Variants in MTPN observed in about 807,000 individuals in gnomAD.
MTPN encodes the protein myotrophin.
MTPN carries 2 observed loss-of-function variants against 13.5 expected under a neutral mutation model. The observed-to-expected ratio is 0.15, with a 90% CI of 0.06 to 0.47. The LOEUF (loss-of-function observed/expected upper bound fraction) is 0.47, where lower values mean the gene tolerates loss of function less well. Ranked by LOEUF, MTPN falls within the 20% of genes least tolerant of loss-of-function variation. MTPN has a pLI of 0.97. For synonymous variants in MTPN, 46 were observed against 51.7 expected (o/e 0.89, Z 0.48); for missense variants, 79 against 137.9 (o/e 0.57, Z 2.14).
intron 3 of MTPN, among the ~76,000 whole-genome samples, chr7:135,937,474 G>A (rs2116349666): frequency 6.6e-6 from 1 of 152,014 alleles, no homozygotes; most frequent in Admixed American, 6.5e-5. Context: ...CTGTGTGTGA[G>A]GGGGATTGGT....
chr7:135,943,760 A>T (rs534636025), intron 3 of MTPN, among the ~76,000 whole-genome samples: 1 of 152,342 alleles, frequency 6.6e-6, no homozygotes, highest in Non-Finnish European at 1.5e-5. Flanking sequence ...CTTCCTGAGG[A>T]GATAAATTCT....
intron 1 of MTPN, among the ~76,000 whole-genome samples, chr7:135,965,844 T>C (rs575005471): frequency 2.0e-5 from 3 of 152,090 alleles, no homozygotes; most frequent in Non-Finnish European, 4.4e-5. Context: ...ACATACAAAG[T>C]GGTATATGGT....
chr7:135,958,473 T>C (rs1000242953), intron 1 of MTPN, among the ~76,000 whole-genome samples: 1 of 152,188 alleles, frequency 6.6e-6, no homozygotes, highest in Non-Finnish European at 1.5e-5. Context: ...GCTCTGAATG[T>C]CATCTAATTC....
chr7:135,936,421 G>A (rs1212181335), intron 3 of MTPN, among the ~76,000 whole-genome samples: 2 of 152,220 alleles, frequency 1.3e-5, no homozygotes, highest in African/African-American at 4.8e-5. Flanking sequence ...GGAGGCGGAG[G>A]TTGCAGTGAG....
At chr7:135,972,423 G>A (rs1799711725) in intron 1 of MTPN, among the ~76,000 whole-genome samples, 1 of 152,170 alleles carries the variant, frequency 6.6e-6, no homozygotes, top group Admixed American at 6.6e-5. Context: ...AAAAACTTAG[G>A]TAAAACATCT....
intron 3 of MTPN, among the ~76,000 whole-genome samples, chr7:135,939,350 G>C (rs1799164436): frequency 6.6e-6 from 1 of 152,034 alleles, no homozygotes. Flanking sequence ...CAGTACTGTA[G>C]CTCACTCAGC....
At chr7:135,951,437 A>C (rs1181711203) in intron 2 of MTPN, 80 bp downstream of exon 2, 25 of 721,750 alleles carry the variant, frequency 3.5e-5, no homozygotes, top group Non-Finnish European at 4.9e-5. Context: ...ACAAATAGCT[A>C]TTTTATAATC....
intron 1 of MTPN, among the ~76,000 whole-genome samples, chr7:135,972,209 ACGCGCACACGCGCACGCGCGCG>A: frequency 1.2e-5 from 1 of 86,926 alleles, no homozygotes; most frequent in Admixed American, 9.9e-5. Flanking sequence ...ATAAATACAC[ACGCGCACACGCGCACGCGCGCG>A]CACACACACA....
rs1798931905 is a variant in MTPN, at chr7:135,927,132, TA to T, written c.*2793del. 2 of 564,476 alleles carry T rather than the reference TA, an allele frequency of 3.5e-6. No individual in the cohort carries two copies. The highest frequency in any genetic ancestry group is 7.8e-5 in the Admixed American group (2 of 25,732). The allele number at this position is 564,476 out of a possible 1,614,324, so 35.0% of individuals were successfully genotyped here. ...GAAGAAAACAGCAGCTCAACTGAAA[TA>T]TTAGAAAAAAAAATCAAACAGATAC... On this transcript the variant is annotated 3_prime_UTR_variant, in exon 4 of 4. Transcript: ENST00000393085.
At chr7:135,964,159 G>A (rs1039910617) in intron 1 of MTPN, among the ~76,000 whole-genome samples, 2 of 151,872 alleles carry the variant, frequency 1.3e-5, no homozygotes, top group Non-Finnish European at 2.9e-5. Flanking sequence ...GGGGAGGGAG[G>A]GAAGAGAGGA....
Position 135,977,244 on chromosome 7 carries a change from G to C in MTPN, c.-144C>G. ...AGAAGGAGGGTTAGGCTGCCAGGCG[G>C]GCGAGGCAGTTGGCCGCGGCGACCG... On this transcript the variant is annotated 5_prime_UTR_variant, in exon 1 of 4. Transcript: ENST00000393085. The C allele has an allele frequency of 2.5e-6, 2 of 812,556 alleles. No individual in the cohort carries two copies. The highest frequency in any genetic ancestry group is 4.0e-6 in the Non-Finnish European group (2 of 496,322). The allele number at this position is 812,556 out of a possible 1,614,324, so 50.3% of individuals were successfully genotyped here. A position where few individuals can be genotyped will look rare whatever the true frequency, so the allele number is the denominator to read the frequency against.
intron 3 of MTPN, among the ~76,000 whole-genome samples, chr7:135,938,962 T>C (rs566523689): frequency 1.3e-5 from 2 of 152,238 alleles, no homozygotes; most frequent in Non-Finnish European, 2.9e-5. Flanking sequence ...AGTTATTTTT[T>C]ACCCTTATAA....
chr7:135,962,523 T>C (rs1799540377), intron 1 of MTPN, among the ~76,000 whole-genome samples: 1 of 152,044 alleles, frequency 6.6e-6, no homozygotes, highest in South Asian at 2.1e-4. Context: ...CTGGAGGTGG[T>C]TAAATTAATA....
At chr7:135,931,489 A>G (rs921024215) in intron 3 of MTPN, among the ~76,000 whole-genome samples, 2 of 152,178 alleles carry the variant, frequency 1.3e-5, no homozygotes, top group African/African-American at 4.8e-5. Context: ...GTATTATTAT[A>G]AAAGTCTCTA....
intron 1 of MTPN, among the ~76,000 whole-genome samples, chr7:135,957,879 TCTGCCATGAGTGGAGGCACC>T (rs2116387984): frequency 6.6e-6 from 1 of 152,286 alleles, no homozygotes; most frequent in African/African-American, 2.4e-5. Context: ...CCCTTCATTT[TCTGCCATGAGTGGAGGCACC>T]CTGTGACCCT....
At chr7:135,949,551 G>T (rs1208473254) in intron 3 of MTPN, among the ~76,000 whole-genome samples, 1 of 152,160 alleles carries the variant, frequency 6.6e-6, no homozygotes, top group African/African-American at 2.4e-5. Context: ...TCCAGTAATT[G>T]TGGTTAACAT....
intron 1 of MTPN, among the ~76,000 whole-genome samples, chr7:135,972,308 T>C (rs1182308611): frequency 6.6e-6 from 1 of 152,080 alleles, no homozygotes; most frequent in Non-Finnish European, 1.5e-5. Flanking sequence ...GTTATGCTAC[T>C]TAGTTTGTGA....
intron 3 of MTPN, among the ~76,000 whole-genome samples, chr7:135,935,373 G>A (rs1045712162): frequency 2.0e-5 from 3 of 151,946 alleles, no homozygotes; most frequent in Admixed American, 2.0e-4. Flanking sequence ...CGAGTAGCTG[G>A]GATTACAGGT....
chr7:135,930,284 A>G (rs1372928276), intron 3 of MTPN, among the ~76,000 whole-genome samples: 2 of 152,228 alleles, frequency 1.3e-5, no homozygotes, highest in Non-Finnish European at 2.9e-5. Flanking sequence ...TAGGAAGAGC[A>G]CGTTGAGCAA....
Sources: gnomAD v4.1 joint callset for allele counts (sites outside exome capture counted in the v4.1 genomes callset) on GRCh38, gnomAD v4.1.1 for gene constraint, MANE v1.5 for transcripts, NCBI Gene and HGNC (gene_info 2026-07-23, HGNC 2026-07-21) for gene names.